The following CFAP299 variants were observed in gnomAD, a reference collection of about 807,000 sequenced individuals.
The protein encoded by CFAP299 is cilia and flagella associated protein 299.
In CFAP299, 21 loss-of-function variants were observed where a neutral mutation model predicts 27.0. That is an observed-to-expected ratio of 0.78 (90% CI 0.55 to 1.12). CFAP299 has a LOEUF of 1.12. Among genes scored for constraint, CFAP299 ranks in the 50% most tolerant of loss-of-function variants. CFAP299 has a pLI of 0.00. For synonymous variants in CFAP299, 104 were observed against 98.1 expected, an observed-to-expected ratio of 1.06 and a Z score of -0.36; for missense variants, 310 against 276.6, an observed-to-expected ratio of 1.12 and a Z score of -0.86.
At chr4:80,726,544 T>C (rs1723174568) in intron 3 of CFAP299, among the ~76,000 whole-genome samples, 1 of 151,974 alleles carries the variant, frequency 6.6e-6, no homozygotes. Flanking sequence ...TGGTTAATAA[T>C]GGAAAGGAAA....
intron 4 of CFAP299, among the ~76,000 whole-genome samples, chr4:80,911,807 G>C (rs966412230): frequency 6.6e-6 from 1 of 151,850 alleles, no homozygotes; most frequent in Non-Finnish European, 1.5e-5. Context: ...AAAGGAAAAG[G>C]CACTTGTTTT....
chr4:80,646,191 G>A (rs566063444), intron 3 of CFAP299, among the ~76,000 whole-genome samples: 97 of 152,214 alleles, frequency 6.4e-4, no homozygotes, highest in African/African-American at 2.0e-3. Context: ...GTGCAAATGC[G>A]TGTGTTCTAC....
chr4:80,818,166 T>G (rs1188552197), intron 3 of CFAP299, among the ~76,000 whole-genome samples: 1 of 152,200 alleles, frequency 6.6e-6, no homozygotes. Flanking sequence ...TCCATGTCCC[T>G]GCAAAGGACA....
At chr4:80,738,433 T>C (rs556138783) in intron 3 of CFAP299, among the ~76,000 whole-genome samples, 2 of 152,264 alleles carry the variant, frequency 1.3e-5, no homozygotes, top group South Asian at 4.1e-4. Flanking sequence ...TTTATGAATT[T>C]AAGATCACTA....
At chr4:80,791,759 G>A (rs776632811) in intron 3 of CFAP299, among the ~76,000 whole-genome samples, 49 of 151,842 alleles carry the variant, frequency 3.2e-4, no homozygotes, top group Admixed American at 1.3e-4. Flanking sequence ...TTTACCTGAA[G>A]AAATGATCAA....
chr4:80,461,483 G>A (rs1182215791), intron 2 of CFAP299, among the ~76,000 whole-genome samples: 4 of 152,134 alleles, frequency 2.6e-5, no homozygotes, highest in Non-Finnish European at 5.9e-5. Context: ...TGTCTGTCAT[G>A]TTGGTATCTT....
chr4:80,939,617 T>A (rs1737092080), intron 4 of CFAP299, among the ~76,000 whole-genome samples: 1 of 152,202 alleles, frequency 6.6e-6, no homozygotes. Flanking sequence ...ATGACTATTT[T>A]AAATAATTTG....
At chr4:80,603,933 G>C (rs190047018) in intron 3 of CFAP299, among the ~76,000 whole-genome samples, 1 of 151,958 alleles carries the variant, frequency 6.6e-6, no homozygotes, top group Non-Finnish European at 1.5e-5. Context: ...CTGCATTCTC[G>C]CTCTTTAAAA....
At chr4:80,868,629 C>A (rs1187763669) in intron 3 of CFAP299, among the ~76,000 whole-genome samples, 1 of 152,138 alleles carries the variant, frequency 6.6e-6, no homozygotes, top group African/African-American at 2.4e-5. Flanking sequence ...TATTTTAAGG[C>A]CCTGCTCTCC....
At chr4:80,688,520 C>T (rs1032476038) in intron 3 of CFAP299, among the ~76,000 whole-genome samples, 1 of 152,182 alleles carries the variant, frequency 6.6e-6, no homozygotes, top group African/African-American at 2.4e-5. Context: ...ACAGAAAGGA[C>T]ATCCACAGCA....
rs1210470553 is a variant in CFAP299 at position 80,386,433 on chromosome 4, G to T, written c.242+23549G>T. 1.5e-5 allele frequency: 23 copies of T among 1,544,692 alleles called. No homozygotes were observed. The African/African-American group carries it at 2.3e-4, about 15-fold the overall frequency. ...GTCCTTCATCTCCTCCAGCCCCAGC[G>T]GGTCAGGCAAGGGGGTCACCACCTT... On this transcript the variant is annotated intron_variant, in intron 2 of 5. Coordinates refer to ENST00000358105, the MANE Select transcript of CFAP299 (RefSeq NM_152770.3).
intron 3 of CFAP299, among the ~76,000 whole-genome samples, chr4:80,722,411 C>T (rs926586363): frequency 3.4e-5 from 5 of 146,454 alleles, no homozygotes; most frequent in Admixed American, 6.8e-5. Flanking sequence ...GAGTGAAACT[C>T]CATCTCAAAA....
At chr4:80,624,522 G>A (rs1738780219) in intron 3 of CFAP299, among the ~76,000 whole-genome samples, 1 of 151,884 alleles carries the variant, frequency 6.6e-6, no homozygotes, top group Non-Finnish European at 1.5e-5. Flanking sequence ...AAACATTTGA[G>A]TCAGGGAATA....
In CFAP299 at chr4:80,945,385, T is replaced by C. The variant is rs562508500; in HGVS notation, c.606+446T>C. ...ACACTAAAAATGGTTTGGCTCTTAA[T>C]GTATTTCTAAGTGTTAATTTGGAAA... On this transcript the variant is annotated intron_variant, in intron 5 of 5. Coordinates refer to ENST00000358105, the MANE Select transcript of CFAP299 (RefSeq NM_152770.3). 2.6e-4 allele frequency among the ~76,000 whole-genome samples: 40 copies of C among 152,348 alleles called. No individual in the cohort carries two copies. In the South Asian group the frequency reaches 8.1e-3, roughly 31 times the overall value.
At chr4:80,674,834 T>G (rs959001329) in intron 3 of CFAP299, among the ~76,000 whole-genome samples, 1 of 152,248 alleles carries the variant, frequency 6.6e-6, no homozygotes, top group African/African-American at 2.4e-5. Context: ...AGCTTATGCA[T>G]GCATCACGTA....
At chr4:80,863,974 T>C (rs1243088436) in intron 3 of CFAP299, among the ~76,000 whole-genome samples, 1 of 151,978 alleles carries the variant, frequency 6.6e-6, no homozygotes, top group East Asian at 1.9e-4. Flanking sequence ...AGAGACTCTA[T>C]AGAGATAGAA....
At chr4:80,625,328 A>G (rs1190962932) in intron 3 of CFAP299, among the ~76,000 whole-genome samples, 2 of 152,024 alleles carry the variant, frequency 1.3e-5, no homozygotes, top group African/African-American at 2.4e-5. Context: ...AGCTTAAAAC[A>G]TGTTATATTT....
In CFAP299 at chr4:80,741,435, G is replaced by A. The variant is rs147953176; in HGVS notation, c.334-128558G>A. ...GCAAGGACTGAGTCCCTCCCTTTAA[G>A]GTAGTGGGTTCTCACTTGGCCCACA... On this transcript the variant is annotated intron_variant, in intron 3 of 5. Coordinates refer to ENST00000358105, the MANE Select transcript of CFAP299 (RefSeq NM_152770.3). Among the ~76,000 whole-genome samples the A allele has an allele frequency of 1.3e-3, 204 of 152,152 alleles. 2 individuals carry two copies. The highest frequency in any genetic ancestry group is 4.6e-3 in the African/African-American group (192 of 41,510).
chr4:80,861,950 C>T (rs2110159823), intron 3 of CFAP299, among the ~76,000 whole-genome samples: 1 of 152,118 alleles, frequency 6.6e-6, no homozygotes, highest in South Asian at 2.1e-4. Flanking sequence ...ATTTTATTTT[C>T]TTCTTCCAAG....
Sources: gnomAD v4.1 joint callset for allele counts (sites outside exome capture counted in the v4.1 genomes callset) on GRCh38, gnomAD v4.1.1 for gene constraint, MANE v1.5 for transcripts, NCBI Gene and HGNC (gene_info 2026-07-23, HGNC 2026-07-21) for gene names.